Variants in PLAAT1 observed in about 807,000 individuals in gnomAD.
The protein encoded by PLAAT1 is phospholipase A and acyltransferase 1, also known as H-REV107 protein-related protein.
PLAAT1 carries 13 observed loss-of-function variants against 16.4 expected under a neutral mutation model. That is an observed-to-expected ratio of 0.79 (90% confidence interval 0.52 to 1.26). The LOEUF is 1.26. Ranked by LOEUF, PLAAT1 falls within the 50% of genes most tolerant of loss-of-function variation. The pLI, the probability that PLAAT1 is intolerant of heterozygous loss-of-function variation, is 0.00. For synonymous variants in PLAAT1, 73 were observed against 78.4 expected (o/e 0.93, Z 0.36); for missense variants, 218 against 207.8 (o/e 1.05, Z -0.30).
downstream of PLAAT1, chr3:193,270,968 A>C: frequency 4.8e-4 from 239 of 495,950 alleles, no homozygotes; most frequent in Non-Finnish European, 6.1e-4. Flanking sequence ...ACAAAATCTC[A>C]TCACATTTTA....
At position 193,262,500 on chromosome 3, in the gene PLAAT1, G is replaced by A. The variant is rs148856007; in HGVS notation, c.140-470G>A. Among the ~76,000 whole-genome samples the A allele has an allele frequency of 5.3e-5, 8 of 152,192 alleles. No homozygotes were observed. In the East Asian group the frequency reaches 5.8e-4, roughly 11 times the overall value. On this transcript the variant is annotated intron_variant, in intron 2 of 3. Transcript: ENST00000264735. ...CCTAGTTGAAAAACAAGTTTCAGAC[G>A]CTTAGGGAGCTTAGATACTAGGATG...
At chr3:193,260,262 A>C (rs1013365416) in intron 2 of PLAAT1, among the ~76,000 whole-genome samples, 2 of 152,208 alleles carry the variant, frequency 1.3e-5, no homozygotes, top group African/African-American at 4.8e-5. Flanking sequence ...CCCAGAAGAA[A>C]ACCTAGGAAA....
Position 193,255,760 on chromosome 3 carries a change from A to G in PLAAT1, c.110A>G (p.Asp37Gly), listed in dbSNP as rs1716351092. 6.2e-7 allele frequency: 1 copy of G among 1,610,048 alleles called. No individual in the cohort carries two copies. Among genetic ancestry groups the G allele is most frequent in the Non-Finnish European group, 8.5e-7 (1 of 1,177,732 alleles). The change falls in exon 2 of 4, where the codon GAT (aspartate) becomes GGT (glycine). Residue 37 changes from aspartate (D) to glycine (G), a missense_variant. Physicochemically the swap from Asp to Gly is moderately conservative, Grantham distance 94 (BLOSUM62 -1). Coordinates refer to ENST00000264735, the MANE Select transcript of PLAAT1 (RefSeq NM_020386.5). ...GYQHWALYLGDGYVINIAPVD... is the reference protein window; with the variant it reads ...GYQHWALYLGGGYVINIAPVD... ...CAGCACTGGGCCCTGTACTTGGGTG[A>G]TGGTTACGTTATCAACATAGCACCT...
chr3:193,266,821 A>G (rs1397317209), intron 3 of PLAAT1, among the ~76,000 whole-genome samples: 1 of 152,134 alleles, frequency 6.6e-6, no homozygotes, highest in Non-Finnish European at 1.5e-5. Context: ...ACTGGATTAT[A>G]TATTACTATC....
chr3:193,280,138 C>T (rs1203511547), downstream of PLAAT1, among the ~76,000 whole-genome samples: 4 of 152,212 alleles, frequency 2.6e-5, no homozygotes, highest in African/African-American at 9.6e-5. Flanking sequence ...GCAACCTCCG[C>T]CTCCCTGGTT....
chr3:193,260,092 A>G (rs890041067), intron 2 of PLAAT1, among the ~76,000 whole-genome samples: 1 of 152,184 alleles, frequency 6.6e-6, no homozygotes, highest in African/African-American at 2.4e-5. Context: ...TTCAACAAAA[A>G]TAAGCAATGG....
chr3:193,242,590 C>T (rs897753635), intron 1 of PLAAT1, among the ~76,000 whole-genome samples: 2 of 151,990 alleles, frequency 1.3e-5, no homozygotes, highest in Non-Finnish European at 1.5e-5. Context: ...GATTCTAGGG[C>T]GGGGGACCAA....
downstream of PLAAT1, chr3:193,281,040 TA>T: frequency 9.6e-6 from 2 of 207,938 alleles, no homozygotes; most frequent in Non-Finnish European, 1.7e-5. Flanking sequence ...TTTATGTATA[TA>T]AATAAATGCA....
intron 2 of PLAAT1, chr3:193,276,929 G>A: frequency 1.1e-6 from 1 of 882,520 alleles, no homozygotes; most frequent in Non-Finnish European, 1.7e-6. Context: ...ATAACTCTCT[G>A]AGCTTAGTGG....
chr3:193,241,814 A>AT (rs1317546493), intron 1 of PLAAT1, among the ~76,000 whole-genome samples: 1 of 152,166 alleles, frequency 6.6e-6, no homozygotes, highest in Non-Finnish European at 1.5e-5. Flanking sequence ...AATACAAGTA[A>AT]TTATTATCGT....
rs1259765340 is a variant in PLAAT1 at position 193,245,249 on chromosome 3, T to C, written c.-1+3716T>C. Among the ~76,000 whole-genome samples the C allele has an allele frequency of 2.0e-5, 3 of 152,204 alleles. No homozygotes were observed. In the East Asian group the frequency reaches 5.8e-4, roughly 29 times the overall value. ...GGTAATGACCTCTGTACTCTATTTC[T>C]ATGAGGTCAGCGTTTTTAGATTTCA... On this transcript the variant is annotated intron_variant, in intron 1 of 3. Coordinates refer to ENST00000264735, the MANE Select transcript of PLAAT1 (RefSeq NM_020386.5).
downstream of PLAAT1, among the ~76,000 whole-genome samples, chr3:193,280,857 T>C (rs1162324142): frequency 6.6e-6 from 1 of 152,192 alleles, no homozygotes; most frequent in Non-Finnish European, 1.5e-5. Context: ...ACACTCTACC[T>C]CATTTATTCA....
At chr3:193,265,690 C>T (rs1220558674) in intron 3 of PLAAT1, among the ~76,000 whole-genome samples, 1 of 151,822 alleles carries the variant, frequency 6.6e-6, no homozygotes, top group Non-Finnish European at 1.5e-5. Context: ...GGAGATAGAA[C>T]ATAATGAAAG....
chr3:193,241,137 C>T, upstream of PLAAT1: 2 of 945,016 alleles, frequency 2.1e-6, no homozygotes, highest in African/African-American at 3.5e-5. Flanking sequence ...GGCGGGCGGG[C>T]GGGCGAAGCT....
At chr3:193,268,237 TAGGCCTGGACAA>T (rs1716846777) in intron 3 of PLAAT1, among the ~76,000 whole-genome samples, 1 of 152,228 alleles carries the variant, frequency 6.6e-6, no homozygotes, top group East Asian at 1.9e-4. Flanking sequence ...CACTCTTCAG[TAGGCCTGGACAA>T]GGCAACACAG....
intron 1 of PLAAT1, among the ~76,000 whole-genome samples, chr3:193,255,022 A>C (rs529984711): frequency 1.3e-5 from 2 of 152,264 alleles, no homozygotes; most frequent in South Asian, 4.1e-4. Context: ...GCATTTTTGC[A>C]GAGTTTTAGT....
chr3:193,277,801 C>T (rs1717292753), downstream of PLAAT1: 1 of 152,128 alleles, frequency 6.6e-6, no homozygotes, highest in East Asian at 1.9e-4. Flanking sequence ...CATCCCTTGA[C>T]CTGGAAGTCA....
intron 1 of PLAAT1, among the ~76,000 whole-genome samples, chr3:193,248,278 C>T (rs941132927): frequency 3.3e-5 from 5 of 151,882 alleles, no homozygotes; most frequent in African/African-American, 1.2e-4. Context: ...CCTTCATTAT[C>T]AGCTTATATG....
intron 1 of PLAAT1, among the ~76,000 whole-genome samples, chr3:193,250,629 G>T (rs1316311660): frequency 6.6e-6 from 1 of 152,156 alleles, no homozygotes; most frequent in Non-Finnish European, 1.5e-5. Context: ...GAGAAAGTCT[G>T]CAGATCTGGA....
Sources: gnomAD v4.1 joint callset for allele counts (sites outside exome capture counted in the v4.1 genomes callset) on GRCh38, gnomAD v4.1.1 for gene constraint, MANE v1.5 for transcripts, NCBI Gene and HGNC (gene_info 2026-07-23, HGNC 2026-07-21) for gene names.